The following SNCAIP variants were observed in gnomAD, a reference collection of about 807,000 sequenced individuals.
The protein encoded by SNCAIP is synphilin-1.
SNCAIP carries 43 observed loss-of-function variants against 86.7 expected under a neutral mutation model. That is an observed-to-expected ratio of 0.50 (90% CI 0.39 to 0.64). The LOEUF is 0.64. Among genes scored for constraint, SNCAIP ranks in the 30% least tolerant of loss-of-function variants. The pLI, the probability that SNCAIP is intolerant of heterozygous loss-of-function variation, is 0.00. For missense variants in SNCAIP, 981 were observed against 1,103.1 expected (o/e 0.89, Z 1.57); for synonymous variants, 417 against 427.2 (o/e 0.98, Z 0.29).
chr5:122,312,206 T>C (rs546065669), upstream of SNCAIP: 4 of 151,554 alleles, frequency 2.6e-5, no homozygotes, highest in African/African-American at 9.7e-5. Context: ...GAGGCTGTTC[T>C]GCTCCTGCCG....
intron 8 of SNCAIP, among the ~76,000 whole-genome samples, chr5:122,448,653 T>TATATATGTA (rs1782922998): frequency 7.8e-6 from 1 of 127,814 alleles, no homozygotes; most frequent in Non-Finnish European, 1.6e-5. Flanking sequence ...TATATATTTT[T>TATATATGTA]ATATATATTA....
intron 1 of SNCAIP, among the ~76,000 whole-genome samples, chr5:122,368,716 A>C (rs1763668670): frequency 6.6e-6 from 1 of 152,210 alleles, no homozygotes; most frequent in Non-Finnish European, 1.5e-5. Flanking sequence ...AGCAGTTAGC[A>C]CAGTAATATA....
intron 1 of SNCAIP, among the ~76,000 whole-genome samples, chr5:122,324,882 T>C (rs1561511449): frequency 6.6e-6 from 1 of 152,182 alleles, no homozygotes; most frequent in Non-Finnish European, 1.5e-5. Context: ...AAGGGTATTC[T>C]AGTCATTCCC....
intron 8 of SNCAIP, among the ~76,000 whole-genome samples, chr5:122,447,806 G>A (rs763983858): frequency 6.6e-6 from 1 of 152,216 alleles, no homozygotes; most frequent in Non-Finnish European, 1.5e-5. Flanking sequence ...GTGTAGGACT[G>A]ATTTCATGCT....
In SNCAIP at chr5:122,318,541, T is replaced by C. The variant is rs79966203; in HGVS notation, c.-47+6257T>C. Among the ~76,000 whole-genome samples, 1,467 of 152,346 alleles carry C rather than the reference T, an allele frequency of 9.6e-3. 14 individuals are homozygous for C. Among genetic ancestry groups the C allele is most frequent in the African/African-American group, 0.033 (1,371 of 41,576 alleles). On this transcript the variant is annotated intron_variant, in intron 1 of 10. Transcript: ENST00000261368. Reference sequence around the variant, plus strand: ...TTTAAATAAATGAGAGAAAAATGTGTGTTGAATCATTCATCTTTCATTTTT... The same window carrying C: ...TTTAAATAAATGAGAGAAAAATGTGCGTTGAATCATTCATCTTTCATTTTT...
rs113069385 is a variant in SNCAIP at position 122,434,385 on chromosome 5, T to A, written c.1296+2303T>A. ...ATGTTGATTATATGTGCCAGTTTCT[T>A]TATTCAGCTCTCACAGCAGGTTTCT... is the stretch of plus-strand genomic sequence containing the variant. On this transcript the variant is annotated intron_variant, in intron 6 of 10. Coordinates refer to ENST00000261368, the MANE Select transcript of SNCAIP (RefSeq NM_005460.4). 1.5e-3 allele frequency among the ~76,000 whole-genome samples: 227 copies of A among 152,266 alleles called. 3 individuals carry two copies. Among genetic ancestry groups the A allele is most frequent in the African/African-American group, 5.2e-3 (216 of 41,568 alleles).
intron 1 of SNCAIP, among the ~76,000 whole-genome samples, chr5:122,386,176 C>T (rs112780329): frequency 0.011 from 1,705 of 152,168 alleles, 29 homozygotes; most frequent in African/African-American, 0.037. Flanking sequence ...TGGAAGTCTT[C>T]GTTTGGAATT....
At chr5:122,349,517 A>G (rs1759348809) in intron 1 of SNCAIP, among the ~76,000 whole-genome samples, 1 of 152,240 alleles carries the variant, frequency 6.6e-6, no homozygotes, top group Admixed American at 6.5e-5. Context: ...TCCCTTATAT[A>G]AATCAACTTT....
chr5:122,335,834 G>A (rs936313365), intron 1 of SNCAIP, among the ~76,000 whole-genome samples: 2 of 152,182 alleles, frequency 1.3e-5, no homozygotes, highest in Non-Finnish European at 2.9e-5. Flanking sequence ...CCAGGAAGGT[G>A]GCTCTTTCTA....
intron 1 of SNCAIP, among the ~76,000 whole-genome samples, chr5:122,379,099 G>A (rs1164546590): frequency 1.9e-4 from 16 of 86,226 alleles, no homozygotes; most frequent in Admixed American, 1.3e-3. Context: ...GCTTGATGGG[G>A]ATGGCATTGA....
intron 1 of SNCAIP, among the ~76,000 whole-genome samples, chr5:122,345,610 C>T (rs1332573748): frequency 5.9e-5 from 9 of 152,146 alleles, no homozygotes; most frequent in Non-Finnish European, 1.5e-5. Context: ...GCATTATTCC[C>T]ATCCTCCGTT....
rs746686227 is a variant in SNCAIP at position 122,422,864 on chromosome 5, A to C, written c.131-4A>C. On this transcript the variant is annotated splice_region_variant and splice_polypyrimidine_tract_variant and intron_variant, in intron 3 of 10. Transcript: ENST00000261368. ...AGCTTTCTATTTTAATTTTTTAAAA[A>C]CAGTTTCTAGCTCTAGCTGGAATTG... The C allele has an allele frequency of 9.3e-6, 15 of 1,612,930 alleles. No homozygotes were observed. The Admixed American group carries it at 2.0e-4, about 22-fold the overall frequency.
At chr5:122,416,747 T>C (rs949191555) in intron 3 of SNCAIP, among the ~76,000 whole-genome samples, 1 of 152,192 alleles carries the variant, frequency 6.6e-6, no homozygotes, top group Non-Finnish European at 1.5e-5. Context: ...TCACCTTACA[T>C]AGGACTAACC....
chr5:122,376,532 C>G (rs757440079), intron 1 of SNCAIP, among the ~76,000 whole-genome samples: 41 of 152,174 alleles, frequency 2.7e-4, no homozygotes, highest in Middle Eastern at 6.8e-3. Flanking sequence ...GAAATGTTTT[C>G]TTTTTCTTTC....
intron 3 of SNCAIP, among the ~76,000 whole-genome samples, chr5:122,417,705 T>G (rs1292920855): frequency 6.6e-6 from 1 of 152,086 alleles, no homozygotes; most frequent in Non-Finnish European, 1.5e-5. Context: ...CATTCTGCCT[T>G]TCTACCTTCC....
intron 1 of SNCAIP, among the ~76,000 whole-genome samples, chr5:122,335,376 G>C (rs1285553805): frequency 6.6e-6 from 1 of 152,100 alleles, no homozygotes. Context: ...AAATTAAACT[G>C]CTTTTATTTT....
chr5:122,320,759 T>C (rs915293825), intron 1 of SNCAIP, among the ~76,000 whole-genome samples: 5 of 152,170 alleles, frequency 3.3e-5, no homozygotes, highest in African/African-American at 1.2e-4. Flanking sequence ...TAACCACAGA[T>C]GGAGTGAAGA....
chr5:122,382,495 C>T (rs572182515), intron 1 of SNCAIP, among the ~76,000 whole-genome samples: 32 of 152,310 alleles, frequency 2.1e-4, no homozygotes, highest in Admixed American at 2.0e-3. Flanking sequence ...TGAATGTCCT[C>T]CCGTAGCTCA....
chr5:122,437,509 A>C (rs1779772193), intron 6 of SNCAIP, among the ~76,000 whole-genome samples: 1 of 152,160 alleles, frequency 6.6e-6, no homozygotes, highest in African/African-American at 2.4e-5. Context: ...TTTACATGTC[A>C]TATCTCAGTG....
Sources: gnomAD v4.1 joint callset for allele counts (sites outside exome capture counted in the v4.1 genomes callset) on GRCh38, gnomAD v4.1.1 for gene constraint, MANE v1.5 for transcripts, NCBI Gene and HGNC (gene_info 2026-07-23, HGNC 2026-07-21) for gene names.